PARP9: variants seen among roughly 807,000 people sequenced by gnomAD.
The protein encoded by PARP9 is poly(ADP-ribose) polymerase family member 9.
A neutral mutation model predicts 68.8 loss-of-function variants in PARP9; 48 were observed. That is an observed-to-expected ratio of 0.70 (90% confidence interval 0.55 to 0.89). The LOEUF (loss-of-function observed/expected upper bound fraction) is 0.89. Ranked by LOEUF, PARP9 falls within the 40% of genes least tolerant of loss-of-function variation. The probability of loss-of-function intolerance (pLI) is 0.00; values close to 1 mark genes in which losing one functional copy is unlikely to be tolerated. For missense variants in PARP9, 806 were observed against 969.3 expected (o/e 0.83, Z 2.24); for synonymous variants, 309 against 333.8 (o/e 0.93, Z 0.81).
At chr3:122,552,285 T>TATTTA in intron 5 of PARP9, 133 bp downstream of exon 5, 1 of 645,976 alleles carries the variant, frequency 1.5e-6, no homozygotes, top group Non-Finnish European at 2.6e-6. Flanking sequence ...TACTCGCAGG[T>TATTTA]GTGCTAAAAA....
At chr3:122,538,481 T>C (rs989956985) in intron 8 of PARP9, among the ~76,000 whole-genome samples, 17 of 152,202 alleles carry the variant, frequency 1.1e-4, no homozygotes, top group African/African-American at 4.1e-4. Context: ...AAGATCTTAA[T>C]CTGATTAAGA....
chr3:122,549,204 C>T (rs531282253), intron 6 of PARP9, among the ~76,000 whole-genome samples: 5 of 152,012 alleles, frequency 3.3e-5, no homozygotes, highest in Admixed American at 6.6e-5. Context: ...TTAGTAGAAA[C>T]GGGATTTCAT....
At position 122,555,597 on chromosome 3, in the gene PARP9, T is replaced by A; in HGVS notation, c.574A>T (p.Lys192Ter). The change falls in exon 4 of 11, where the codon AAA becomes TAA. Residue 192 changes from lysine (K) to a stop codon, truncating the protein, a stop_gained. Coordinates refer to ENST00000682323, the MANE Select transcript of PARP9 (RefSeq NM_001146105.2). LOFTEE classifies it high-confidence loss of function. Reference protein sequence around the residue: ...IVSILNYVIYKNTHIKTVAIP... With the variant: ...IVSILNYVIY ...GCTACTGTCTTAATGTGAGTATTTT[T>A]ATAGATGACATAATTCAGAATACTT... 1.2e-6 allele frequency: 2 copies of A among 1,614,208 alleles called. No homozygotes were observed. Among genetic ancestry groups the A allele is most frequent in the Non-Finnish European group, 1.7e-6 (2 of 1,180,042 alleles).
rs766133885 is a variant in PARP9, at chr3:122,537,082, G to T, written c.1766-9C>A. On this transcript the variant is annotated splice_polypyrimidine_tract_variant and intron_variant, in intron 8 of 10. Transcript: ENST00000682323. ...CTGAATAGTCCACTGTCCTAAAAAT[G>T]AGTAACACAAAAACTTTACTTCAAT... 6.3e-7 allele frequency: 1 copy of T among 1,596,772 alleles called. No homozygotes were observed. Among genetic ancestry groups the T allele is most frequent in the South Asian group, 1.1e-5 (1 of 87,358 alleles).
chr3:122,532,262 A>G, intron 10 of PARP9: 1 of 985,350 alleles, frequency 1.0e-6, no homozygotes, highest in Non-Finnish European at 1.2e-6. Flanking sequence ...TTTCTTCAGC[A>G]TGGAAAAGAC....
At chr3:122,554,356 T>C (rs894263375) in intron 4 of PARP9, among the ~76,000 whole-genome samples, 4 of 152,234 alleles carry the variant, frequency 2.6e-5, no homozygotes, top group Non-Finnish European at 4.4e-5. Context: ...TTTTGTTTAC[T>C]ATTGATAGGT....
intron 10 of PARP9, among the ~76,000 whole-genome samples, chr3:122,531,104 T>C (rs1430187654): frequency 6.6e-6 from 1 of 152,248 alleles, no homozygotes; most frequent in African/African-American, 2.4e-5. Flanking sequence ...TGAAATCCGG[T>C]GTGTATTTTA....
chr3:122,559,489 T>C (rs1019351561), intron 2 of PARP9, 117 bp downstream of exon 2: 6 of 994,194 alleles, frequency 6.0e-6, no homozygotes, highest in Non-Finnish European at 8.4e-6. Flanking sequence ...TATTGAGCTA[T>C]TAAAAGCAGA....
At chr3:122,544,352 T>C (rs1464588110) in intron 7 of PARP9, among the ~76,000 whole-genome samples, 1 of 152,256 alleles carries the variant, frequency 6.6e-6, no homozygotes, top group Admixed American at 6.5e-5. Context: ...GCTTTCAATT[T>C]ATAGAACACT....
chr3:122,564,201 A>G, intron 1 of PARP9, 44 bp downstream of exon 1: 1 of 517,206 alleles, frequency 1.9e-6, no homozygotes, highest in Non-Finnish European at 3.3e-6. Context: ...TCGAGCCTGC[A>G]GGAGAGGGGA....
In PARP9 at chr3:122,552,657, G is replaced by T; in HGVS notation, c.886-18C>A. 2 of 1,550,596 alleles carry T rather than the reference G, an allele frequency of 1.3e-6. No individual in the cohort carries two copies. Among genetic ancestry groups the T allele is most frequent in the Non-Finnish European group, 1.8e-6 (2 of 1,124,080 alleles). ...ACATCTGCCTGAAAAGGGAAGAAAG[G>T]GTAGGATTCATTGTTAAATTCCTTC... On this transcript the variant is annotated intron_variant, in intron 4 of 10. Transcript: ENST00000682323.
At chr3:122,556,454 T>A (rs2079675169) in intron 3 of PARP9, among the ~76,000 whole-genome samples, 1 of 152,128 alleles carries the variant, frequency 6.6e-6, no homozygotes, top group Admixed American at 6.5e-5. Flanking sequence ...TTTAAAAATA[T>A]ATATAAAAGT....
At chr3:122,550,878 AT>A in intron 5 of PARP9, 76 bp from the exon 6 acceptor site, 2 of 1,308,538 alleles carry the variant, frequency 1.5e-6, no homozygotes, top group Non-Finnish European at 2.2e-6. Flanking sequence ...TCCTGCCCAT[AT>A]TTTACAATGT....
At chr3:122,548,616 T>G (rs2078950897) in intron 6 of PARP9, among the ~76,000 whole-genome samples, 1 of 152,192 alleles carries the variant, frequency 6.6e-6, no homozygotes, top group Admixed American at 6.5e-5. Context: ...CAATATATAC[T>G]AATTATGCTG....
upstream of PARP9, chr3:122,564,579 G>A (rs2080516075): frequency 1.2e-6 from 2 of 1,602,544 alleles, no homozygotes; most frequent in Admixed American, 1.7e-5. Context: ...ACGAAGCCCC[G>A]GGCACCTTCC....
intron 10 of PARP9, chr3:122,535,090 C>A: frequency 1.4e-5 from 14 of 983,868 alleles, no homozygotes; most frequent in Non-Finnish European, 1.6e-5. Flanking sequence ...AAGAGCACAG[C>A]GATGATCTTA....
chr3:122,562,758 CAT>C (rs1426822947), intron 1 of PARP9, among the ~76,000 whole-genome samples: 3 of 152,136 alleles, frequency 2.0e-5, no homozygotes, highest in South Asian at 2.1e-4. Context: ...CATGTTAGCA[CAT>C]AGAGAGCTTT....
chr3:122,536,482 A>G, intron 9 of PARP9, 140 bp from the exon 10 acceptor site: 8 of 1,396,216 alleles, frequency 5.7e-6, no homozygotes, highest in Non-Finnish European at 7.5e-6. Flanking sequence ...GAAAGTTGCA[A>G]AAGAGTCTCT....
chr3:122,536,097 T>A, intron 10 of PARP9, 71 bp downstream of exon 10: 1 of 1,609,918 alleles, frequency 6.2e-7, no homozygotes. Flanking sequence ...ATGCTATCAG[T>A]GGAAGAATCT....
Sources: allele counts gnomAD v4.1 joint callset (sites outside exome capture counted in the v4.1 genomes callset), GRCh38; gene constraint gnomAD v4.1.1; transcripts MANE v1.5; gene names NCBI Gene and HGNC (gene_info 2026-07-23, HGNC 2026-07-21).